Variants in OSBP2 observed in about 807,000 individuals in gnomAD.
OSBP2 encodes the protein oxysterol-binding protein 2.
In OSBP2, 66 loss-of-function variants were observed where a neutral mutation model predicts 96.0. The ratio of observed to expected loss-of-function variants is 0.69; its 90% CI spans 0.56 to 0.84. The LOEUF is 0.84. OSBP2 is among the 40% of genes least tolerant of loss of function. OSBP2 has a pLI of 0.00. For synonymous variants in OSBP2, 525 were observed against 520.9 expected, an observed-to-expected ratio of 1.01 and a Z score of -0.11; for missense variants, 1,038 against 1,222.7, an observed-to-expected ratio of 0.85 and a Z score of 2.25.
At chr22:30,733,112 A>G (rs1419090907) in intron 1 of OSBP2, among the ~76,000 whole-genome samples, 1 of 152,204 alleles carries the variant, frequency 6.6e-6, no homozygotes, top group Non-Finnish European at 1.5e-5. Flanking sequence ...GGTCTGATAT[A>G]GTTAGTGGCT....
At chr22:30,818,975 T>A (rs1310912639) in intron 2 of OSBP2, among the ~76,000 whole-genome samples, 1 of 152,072 alleles carries the variant, frequency 6.6e-6, no homozygotes, top group Non-Finnish European at 1.5e-5. Flanking sequence ...GGTTTCAGAG[T>A]TGGTGCACTT....
intron 2 of OSBP2, among the ~76,000 whole-genome samples, chr22:30,798,139 G>A (rs1264336480): frequency 1.3e-5 from 2 of 152,142 alleles, no homozygotes; most frequent in African/African-American, 2.4e-5. Context: ...TGGGTGTAAG[G>A]TGGTATCTCA....
At chr22:30,891,453 C>G (rs2147160861) in intron 8 of OSBP2, among the ~76,000 whole-genome samples, 1 of 152,338 alleles carries the variant, frequency 6.6e-6, no homozygotes, top group South Asian at 2.1e-4. Flanking sequence ...TCAGCAGTGG[C>G]AGCCCCATGC....
intron 2 of OSBP2, among the ~76,000 whole-genome samples, chr22:30,758,045 C>T (rs936544043): frequency 6.6e-6 from 1 of 152,164 alleles, no homozygotes; most frequent in Non-Finnish European, 1.5e-5. Flanking sequence ...CTTTTAAAAT[C>T]CAATTCTGCT....
chr22:30,880,237 T>G, intron 3 of OSBP2, among the ~76,000 whole-genome samples: 1 of 152,144 alleles, frequency 6.6e-6, no homozygotes, highest in East Asian at 1.9e-4. Context: ...ACAAGGGATG[T>G]GAGGATCAGC....
chr22:30,874,138 A>G (rs1602395724), intron 3 of OSBP2, among the ~76,000 whole-genome samples: 1 of 152,156 alleles, frequency 6.6e-6, no homozygotes, highest in South Asian at 2.1e-4. Context: ...TTAGGAGGCT[A>G]AGACAGGAGA....
Position 30,695,118 on chromosome 22 carries a change from C to T in OSBP2, c.209C>T (p.Ser70Leu), listed in dbSNP as rs2089002933. ...PERGPLSEQV[S>L]EAVSEAVPRS... ...CGGGGACCGCTGTCAGAACAGGTGT[C>T]GGAGGCAGTTTCGGAGGCAGTGCCA... is the stretch of plus-strand genomic sequence containing the variant. The change falls in exon 1 of 14, where the codon TCG (serine) becomes TTG (leucine). Residue 70 changes from serine to leucine, a missense_variant. By Grantham distance (145) the Ser-to-Leu change is moderately radical. Coordinates refer to ENST00000332585, the MANE Select transcript of OSBP2 (RefSeq NM_030758.4). 2 of 1,594,672 alleles carry T rather than the reference C, an allele frequency of 1.3e-6. No homozygotes were observed. The highest frequency in any genetic ancestry group is 1.3e-5 in the African/African-American group (1 of 74,568).
At chr22:30,833,496 C>G (rs921173004) in intron 2 of OSBP2, among the ~76,000 whole-genome samples, 1 of 152,222 alleles carries the variant, frequency 6.6e-6, no homozygotes, top group Non-Finnish European at 1.5e-5. Context: ...GTCCCTTGAC[C>G]TGTCACCCTG....
At chr22:30,782,935 G>A (rs992699266) in intron 2 of OSBP2, among the ~76,000 whole-genome samples, 2 of 152,112 alleles carry the variant, frequency 1.3e-5, no homozygotes, top group African/African-American at 2.4e-5. Flanking sequence ...AGGACAACCC[G>A]AGGAAGTGTC....
intron 12 of OSBP2, among the ~76,000 whole-genome samples, chr22:30,895,957 A>C (rs924027329): frequency 2.0e-5 from 3 of 151,366 alleles, no homozygotes; most frequent in African/African-American, 7.3e-5. Flanking sequence ...ACAGTACTTT[A>C]AAGGGGAGGA....
chr22:30,785,787 TGA>T (rs1474623031), intron 2 of OSBP2, among the ~76,000 whole-genome samples: 1 of 152,038 alleles, frequency 6.6e-6, no homozygotes, highest in Non-Finnish European at 1.5e-5. Flanking sequence ...TGAGTCCTCA[TGA>T]GATCTGGTTG....
chr22:30,794,831 T>C (rs2090733446), intron 2 of OSBP2, among the ~76,000 whole-genome samples: 2 of 151,996 alleles, frequency 1.3e-5, no homozygotes, highest in Non-Finnish European at 2.9e-5. Flanking sequence ...CGTATTATTG[T>C]TATTTTATGT....
intron 2 of OSBP2, among the ~76,000 whole-genome samples, chr22:30,796,545 G>A (rs151303962): frequency 7.3e-5 from 11 of 151,130 alleles, no homozygotes; most frequent in Admixed American, 3.3e-4. Flanking sequence ...TTACTCTGTC[G>A]CCCAGGCTGG....
intron 2 of OSBP2, among the ~76,000 whole-genome samples, chr22:30,824,803 C>T (rs1485288363): frequency 6.6e-6 from 1 of 152,168 alleles, no homozygotes; most frequent in Non-Finnish European, 1.5e-5. Context: ...CTGCCTGCTC[C>T]GGGATGCCGA....
At chr22:30,784,620 C>T (rs1427188873) in intron 2 of OSBP2, among the ~76,000 whole-genome samples, 1 of 152,092 alleles carries the variant, frequency 6.6e-6, no homozygotes, top group East Asian at 1.9e-4. Context: ...GTGAGAAAGG[C>T]ATCTAATTTT....
intron 2 of OSBP2, among the ~76,000 whole-genome samples, chr22:30,830,346 C>T (rs1013042579): frequency 2.0e-5 from 3 of 152,158 alleles, no homozygotes; most frequent in South Asian, 2.1e-4. Context: ...TGTGTCAAGG[C>T]GGAAGGAGGC....
intron 1 of OSBP2, 131 bp downstream of exon 1, chr22:30,695,684 G>A: frequency 2.0e-6 from 3 of 1,467,260 alleles, no homozygotes; most frequent in Non-Finnish European, 2.7e-6. Flanking sequence ...ATTCCAGCAG[G>A]CCAAGTCACG....
intron 2 of OSBP2, among the ~76,000 whole-genome samples, chr22:30,812,683 G>A (rs1040863141): frequency 4.6e-5 from 7 of 152,132 alleles, no homozygotes; most frequent in African/African-American, 1.4e-4. Context: ...CACCTGATAA[G>A]TATCAACAGA....
At chr22:30,822,341 C>T (rs1032348081) in intron 2 of OSBP2, among the ~76,000 whole-genome samples, 2 of 152,250 alleles carry the variant, frequency 1.3e-5, no homozygotes, top group Non-Finnish European at 2.9e-5. Flanking sequence ...CGGGGTCGCA[C>T]GGACCAGCAG....
Sources: allele counts gnomAD v4.1 joint callset (sites outside exome capture counted in the v4.1 genomes callset), GRCh38; gene constraint gnomAD v4.1.1; transcripts MANE v1.5; gene names NCBI Gene and HGNC (gene_info 2026-07-23, HGNC 2026-07-21).